CCSER1: variants seen among roughly 807,000 people sequenced by gnomAD.
The protein encoded by CCSER1 is serine-rich coiled-coil domain-containing protein 1.
In CCSER1, 41 loss-of-function variants were observed where a neutral mutation model predicts 82.0. The ratio of observed to expected loss-of-function variants is 0.50; its 90% CI spans 0.39 to 0.65. CCSER1 has a LOEUF of 0.65. Ranked by LOEUF, CCSER1 falls within the 30% of genes least tolerant of loss-of-function variation. The pLI, the probability that CCSER1 is intolerant of heterozygous loss-of-function variation, is 0.00. For missense variants in CCSER1, 1,119 were observed against 1,064.2 expected, an observed-to-expected ratio of 1.05 and a Z score of -0.72; for synonymous variants, 414 against 383.9, an observed-to-expected ratio of 1.08 and a Z score of -0.92.
intron 10 of CCSER1, among the ~76,000 whole-genome samples, chr4:91,265,795 A>T (rs1173675164): frequency 6.6e-6 from 1 of 152,214 alleles, no homozygotes; most frequent in East Asian, 1.9e-4. Context: ...ACACTGAAAA[A>T]TTTTGGGAAA....
chr4:91,155,671 A>T (rs1730742606), intron 10 of CCSER1, among the ~76,000 whole-genome samples: 2 of 152,006 alleles, frequency 1.3e-5, no homozygotes, highest in Non-Finnish European at 2.9e-5. Context: ...ATATCTTCAC[A>T]TATTTGAAAA....
intron 5 of CCSER1, among the ~76,000 whole-genome samples, chr4:90,485,667 T>G (rs1490970524): frequency 6.6e-6 from 1 of 152,102 alleles, no homozygotes; most frequent in Non-Finnish European, 1.5e-5. Context: ...TAGTACTCAT[T>G]AGTGATTTTT....
At chr4:91,565,113 C>T (rs1047439869) in intron 10 of CCSER1, among the ~76,000 whole-genome samples, 1 of 144,770 alleles carries the variant, frequency 6.9e-6, no homozygotes, top group African/African-American at 2.5e-5. Context: ...CAATCTTCTG[C>T]ATATGGCTAG....
At chr4:90,900,714 A>C (rs1412940516) in intron 8 of CCSER1, among the ~76,000 whole-genome samples, 1 of 151,964 alleles carries the variant, frequency 6.6e-6, no homozygotes, top group African/African-American at 2.4e-5. Context: ...TATGATCAAG[A>C]ATGTGGTCAA....
intron 3 of CCSER1, among the ~76,000 whole-genome samples, chr4:90,328,688 G>A (rs1346994545): frequency 6.6e-6 from 1 of 152,102 alleles, no homozygotes; most frequent in Non-Finnish European, 1.5e-5. Context: ...AGACACAGAT[G>A]TTGCCCACTT....
intron 10 of CCSER1, among the ~76,000 whole-genome samples, chr4:91,379,140 G>C (rs1364855072): frequency 1.3e-5 from 2 of 152,132 alleles, no homozygotes; most frequent in Non-Finnish European, 2.9e-5. Context: ...ATGTGCTGCT[G>C]GATTCAGTTT....
chr4:90,944,382 C>T (rs1224840900), intron 9 of CCSER1, among the ~76,000 whole-genome samples: 1 of 152,040 alleles, frequency 6.6e-6, no homozygotes, highest in African/African-American at 2.4e-5. Context: ...ATATCTTACC[C>T]CAATATCAAG....
chr4:90,897,713 A>G (rs1420470202), intron 8 of CCSER1, among the ~76,000 whole-genome samples: 2 of 152,114 alleles, frequency 1.3e-5, no homozygotes, highest in South Asian at 4.1e-4. Context: ...CATTTTCCGT[A>G]GGAGTTGAAC....
At chr4:90,599,459 G>C (rs1783784714) in intron 5 of CCSER1, among the ~76,000 whole-genome samples, 1 of 152,084 alleles carries the variant, frequency 6.6e-6, no homozygotes, top group African/African-American at 2.4e-5. Context: ...ATGTGTAACT[G>C]TGACTCAATA....
At chr4:90,248,444 C>T (rs1179469641) in intron 1 of CCSER1, among the ~76,000 whole-genome samples, 1 of 152,110 alleles carries the variant, frequency 6.6e-6, no homozygotes, top group Non-Finnish European at 1.5e-5. Context: ...GTACTACAGA[C>T]CCTGCCTCTG....
Position 90,431,720 on chromosome 4 carries a change from T to C in CCSER1, c.1603+31591T>C, listed in dbSNP as rs148867128. On this transcript the variant is annotated intron_variant, in intron 4 of 10. Transcript: ENST00000509176. ...TTAATTTCATGTAGCATTGTTGGGT[T>C]AGGGGATGCCCCTGTATCAGCACTT... Among the ~76,000 whole-genome samples the C allele has an allele frequency of 7.8e-3, 1,186 of 152,236 alleles. 15 individuals are homozygous for C. Among genetic ancestry groups the C allele is most frequent in the African/African-American group, 0.027 (1,112 of 41,554 alleles).
chr4:91,405,693 C>G (rs768669054), intron 10 of CCSER1, among the ~76,000 whole-genome samples: 1 of 152,192 alleles, frequency 6.6e-6, no homozygotes, highest in Non-Finnish European at 1.5e-5. Context: ...AGGATATAAT[C>G]TCCTGGTGTG....
chr4:91,104,264 G>A (rs544402664), intron 10 of CCSER1, among the ~76,000 whole-genome samples: 49 of 152,178 alleles, frequency 3.2e-4, no homozygotes, highest in Middle Eastern at 3.4e-3. Context: ...GACCCTTATC[G>A]GTAGTTCTGC....
At chr4:91,059,530 ATTC>A (rs1262615324) in intron 9 of CCSER1, among the ~76,000 whole-genome samples, 2 of 151,230 alleles carry the variant, frequency 1.3e-5, no homozygotes, top group African/African-American at 4.8e-5. Context: ...CTATCATGGT[ATTC>A]TTTGTTTTTA....
intron 9 of CCSER1, among the ~76,000 whole-genome samples, chr4:90,947,957 A>G (rs2150346485): frequency 6.6e-6 from 1 of 152,194 alleles, no homozygotes; most frequent in South Asian, 2.1e-4. Context: ...CATGTGTTGT[A>G]TTTTCAACCT....
intron 4 of CCSER1, among the ~76,000 whole-genome samples, chr4:90,467,519 A>G (rs1482003704): frequency 6.6e-6 from 1 of 151,804 alleles, no homozygotes; most frequent in Non-Finnish European, 1.5e-5. Context: ...TCCCATCTCT[A>G]CTAAAAATAC....
At chr4:90,134,172 T>C (rs1723271592) in intron 1 of CCSER1, among the ~76,000 whole-genome samples, 1 of 152,216 alleles carries the variant, frequency 6.6e-6, no homozygotes, top group African/African-American at 2.4e-5. Flanking sequence ...AAACCGAGTC[T>C]CTGTTCTATG....
At chr4:91,410,394 CTTTG>C (rs550302924) in intron 10 of CCSER1, among the ~76,000 whole-genome samples, 149 of 152,112 alleles carry the variant, frequency 9.8e-4, no homozygotes, top group African/African-American at 3.0e-3. Flanking sequence ...TTACTCACAT[CTTTG>C]TTTGATCTAC....
intron 10 of CCSER1, among the ~76,000 whole-genome samples, chr4:91,437,424 C>G (rs1198427429): frequency 6.6e-6 from 1 of 152,142 alleles, no homozygotes; most frequent in African/African-American, 2.4e-5. Context: ...ATAGATCAAA[C>G]AGCTCTAATA....
Sources: gnomAD v4.1 joint callset for allele counts (sites outside exome capture counted in the v4.1 genomes callset) on GRCh38, gnomAD v4.1.1 for gene constraint, MANE v1.5 for transcripts, NCBI Gene and HGNC (gene_info 2026-07-23, HGNC 2026-07-21) for gene names.